NRXN3: variants seen among roughly 807,000 people sequenced by gnomAD.
The protein encoded by NRXN3 is neurexin 3, also known as neurexin III.
In NRXN3, 32 loss-of-function variants were observed where a neutral mutation model predicts 137.6. The ratio of observed to expected loss-of-function variants is 0.23; its 90% confidence interval spans 0.18 to 0.31. The LOEUF is 0.31. NRXN3 is among the 10% of genes least tolerant of loss of function. NRXN3 has a pLI of 1.00. For missense variants in NRXN3, 1,574 were observed against 2,062.5 expected (o/e 0.76, Z 4.59); for synonymous variants, 798 against 784.5 (o/e 1.02, Z -0.29).
At chr14:79,831,993 T>C (rs2099325296) in intron 20 of NRXN3, among the ~76,000 whole-genome samples, 1 of 152,096 alleles carries the variant, frequency 6.6e-6, no homozygotes, top group African/African-American at 2.4e-5. Flanking sequence ...AGTCAATTGA[T>C]TTCAGGACAC....
In NRXN3 at chr14:78,419,961, G is replaced by GCACACACA. The variant is rs1256574515; in HGVS notation, c.757+122119_757+122126dup. Reference sequence around the variant, plus strand: ...CACGTGTGTGCGCGCGCGCGCGCACGCACACACACACACACACACACACAC... The same window carrying GCACACACA: ...CACGTGTGTGCGCGCGCGCGCGCACGCACACACACACACACACACACACACACACACAC... On this transcript the variant is annotated intron_variant, in intron 4 of 20. Coordinates refer to ENST00000335750, the MANE Select transcript of NRXN3 (RefSeq NM_001330195.2). Among the ~76,000 whole-genome samples, 166 of 49,242 alleles carry GCACACACA rather than the reference G, an allele frequency of 3.4e-3. 4 individuals are homozygous for GCACACACA. The highest frequency in any genetic ancestry group is 0.024 in the South Asian group (31 of 1,278). The allele number at this position is 49,242 out of a possible 152,430, so 32.3% of individuals were successfully genotyped here. A position where few individuals can be genotyped will look rare whatever the true frequency, so the allele number is the denominator to read the frequency against.
At chr14:79,358,793 G>A (rs140299493) in intron 15 of NRXN3, among the ~76,000 whole-genome samples, 16 of 152,008 alleles carry the variant, frequency 1.1e-4, no homozygotes, top group African/African-American at 3.1e-4. Context: ...CTGTTTGACC[G>A]TCACATCCTT....
chr14:79,111,997 A>G (rs2053612093), intron 15 of NRXN3, among the ~76,000 whole-genome samples: 1 of 152,224 alleles, frequency 6.6e-6, no homozygotes, highest in African/African-American at 2.4e-5. Context: ...TTTCAAAACC[A>G]GAAGCCAAAA....
At chr14:79,396,535 G>A (rs1360104482) in intron 15 of NRXN3, among the ~76,000 whole-genome samples, 1 of 152,052 alleles carries the variant, frequency 6.6e-6, no homozygotes, top group African/African-American at 2.4e-5. Context: ...TTGAATGGTT[G>A]TGTTGCTTTG....
At chr14:79,025,124 T>C (rs1179664693) in intron 15 of NRXN3, among the ~76,000 whole-genome samples, 1 of 152,170 alleles carries the variant, frequency 6.6e-6, no homozygotes, top group Non-Finnish European at 1.5e-5. Context: ...TCCTGGAGAA[T>C]CTTTCTTGGC....
At chr14:79,260,872 T>G (rs966416218) in intron 15 of NRXN3, among the ~76,000 whole-genome samples, 1 of 152,192 alleles carries the variant, frequency 6.6e-6, no homozygotes, top group African/African-American at 2.4e-5. Context: ...TAGGAAATGC[T>G]TTCTAAAAGG....
intron 15 of NRXN3, among the ~76,000 whole-genome samples, chr14:79,039,507 A>G (rs548531429): frequency 6.6e-6 from 1 of 152,192 alleles, no homozygotes; most frequent in South Asian, 2.1e-4. Context: ...TTTGGACCCA[A>G]TTATGCATGC....
intron 6 of NRXN3, 85 bp downstream of exon 6, chr14:78,651,411 T>G: frequency 1.4e-6 from 2 of 1,413,326 alleles, no homozygotes; most frequent in Admixed American, 4.1e-5. Context: ...TGACTGGATC[T>G]GTCCTCAAAT....
At chr14:78,789,036 CTG>C (rs2098797609) in intron 8 of NRXN3, among the ~76,000 whole-genome samples, 1 of 152,180 alleles carries the variant, frequency 6.6e-6, no homozygotes, top group Non-Finnish European at 1.5e-5. Flanking sequence ...AAACATACCA[CTG>C]TCATTTATAA....
intron 15 of NRXN3, among the ~76,000 whole-genome samples, chr14:79,424,894 CT>C (rs2095632114): frequency 6.6e-6 from 1 of 151,798 alleles, no homozygotes; most frequent in Admixed American, 6.6e-5. Flanking sequence ...ATTTTTTTTC[CT>C]TGATGATGAG....
intron 8 of NRXN3, among the ~76,000 whole-genome samples, chr14:78,721,938 CT>C (rs34195710): frequency 0.15 from 21,268 of 146,158 alleles, 2,015 homozygotes; most frequent in African/African-American, 0.28. Flanking sequence ...GATTCAGCCT[CT>C]TTTTTTTTTT....
chr14:79,530,130 C>T (rs887125986), intron 16 of NRXN3, among the ~76,000 whole-genome samples: 1 of 152,002 alleles, frequency 6.6e-6, no homozygotes, highest in Non-Finnish European at 1.5e-5. Context: ...TTATTAGCAC[C>T]TCTGAGTGTT....
intron 15 of NRXN3, among the ~76,000 whole-genome samples, chr14:79,399,089 G>T (rs575988438): frequency 6.0e-4 from 91 of 151,174 alleles, no homozygotes; most frequent in Non-Finnish European, 1.1e-3. Context: ...CTCAGACCAG[G>T]TTCCATAGGG....
chr14:79,029,183 C>G (rs2099603386), intron 15 of NRXN3, among the ~76,000 whole-genome samples: 1 of 152,000 alleles, frequency 6.6e-6, no homozygotes, highest in Non-Finnish European at 1.5e-5. Context: ...TATGGTATAT[C>G]AGTTATTCTG....
intron 4 of NRXN3, among the ~76,000 whole-genome samples, chr14:78,573,919 G>A (rs1429086672): frequency 1.3e-5 from 2 of 152,332 alleles, no homozygotes; most frequent in South Asian, 2.1e-4. Context: ...TCCCATTACA[G>A]GACTAGAGGC....
intron 4 of NRXN3, among the ~76,000 whole-genome samples, chr14:78,383,566 T>C (rs540363851): frequency 6.6e-6 from 1 of 152,348 alleles, no homozygotes; most frequent in South Asian, 2.1e-4. Flanking sequence ...TAAAATTTCT[T>C]GATAAGATGT....
At chr14:79,530,247 A>T (rs2097157642) in intron 16 of NRXN3, among the ~76,000 whole-genome samples, 1 of 152,148 alleles carries the variant, frequency 6.6e-6, no homozygotes, top group Admixed American at 6.5e-5. Context: ...AGTGTAGGAC[A>T]AGCAGCAGCG....
At chr14:78,665,868 C>T (rs2097881328) in intron 6 of NRXN3, among the ~76,000 whole-genome samples, 1 of 152,084 alleles carries the variant, frequency 6.6e-6, no homozygotes, top group Non-Finnish European at 1.5e-5. Context: ...CCAGGCTAGG[C>T]AATGTCAATT....
At chr14:78,792,257 C>CAAAAAAA (rs140968788) in intron 8 of NRXN3, among the ~76,000 whole-genome samples, 2 of 19,460 alleles carry the variant, frequency 1.0e-4, no homozygotes, top group East Asian at 2.8e-3. Context: ...AGACTAAAGG[C>CAAAAAAA]AAAAAAAAAA....
Sources: allele counts gnomAD v4.1 joint callset (sites outside exome capture counted in the v4.1 genomes callset), GRCh38; gene constraint gnomAD v4.1.1; transcripts MANE v1.5; gene names NCBI Gene and HGNC (gene_info 2026-07-23, HGNC 2026-07-21).